DHCR7: variants seen among roughly 807,000 people sequenced by gnomAD.
The protein encoded by DHCR7 is 7-dehydrocholesterol reductase.
Under a neutral mutation model 43.3 loss-of-function variants are expected in DHCR7, and 40 were observed. The observed-to-expected ratio is 0.92, with a 90% CI of 0.72 to 1.20. The LOEUF (loss-of-function observed/expected upper bound fraction) is 1.20, where lower values mean the gene tolerates loss of function less well. Ranked by LOEUF, DHCR7 falls within the 50% of genes most tolerant of loss-of-function variation. The pLI, the probability that DHCR7 is intolerant of heterozygous loss-of-function variation, is 0.00. For synonymous variants in DHCR7, 298 were observed against 271.4 expected (o/e 1.10, Z -0.96); for missense variants, 608 against 644.6 (o/e 0.94, Z 0.62).
chr11:71,437,054 G>GC (rs1949290408), intron 8 of DHCR7, among the ~76,000 whole-genome samples: 1 of 152,176 alleles, frequency 6.6e-6, no homozygotes, highest in South Asian at 2.1e-4. Flanking sequence ...TGAGCATGGG[G>GC]CCAGCTGGGG....
At chr11:71,447,822 C>G (rs1442317729) in intron 1 of DHCR7, 88 bp from the exon 2 acceptor site, 1 of 152,402 alleles carries the variant, frequency 6.6e-6, no homozygotes, top group African/African-American at 2.4e-5. Flanking sequence ...AGGAGTCAAG[C>G]AAGAGGCAGA....
rs1437608961 is a variant in DHCR7, at chr11:71,440,598, GGAT to G, written c.626+626_626+628del. Among the ~76,000 whole-genome samples, 25 of 151,718 alleles carry G rather than the reference GGAT, an allele frequency of 1.6e-4. No homozygotes were observed. The East Asian group carries it at 4.9e-3, about 29-fold the overall frequency. On this transcript the variant is annotated intron_variant, in intron 6 of 8. Transcript: ENST00000355527. Reference sequence around the variant, plus strand: ...ATGGGTGATGGGAGGGTAGATGGATGGATGATGGGTGGGTGGATGTGGGTGATG... The same window carrying G: ...ATGGGTGATGGGAGGGTAGATGGATGGATGGGTGGGTGGATGTGGGTGATG...
downstream of DHCR7, among the ~76,000 whole-genome samples, chr11:71,430,211 C>T (rs1171844758): frequency 6.6e-6 from 1 of 152,254 alleles, no homozygotes; most frequent in Non-Finnish European, 1.5e-5. Flanking sequence ...CGGGCTGTGG[C>T]CTGACGTTCC....
downstream of DHCR7, among the ~76,000 whole-genome samples, chr11:71,431,324 T>C (rs1949226652): frequency 2.0e-5 from 3 of 152,226 alleles, no homozygotes; most frequent in African/African-American, 2.4e-5. Context: ...AGTCCAAGGA[T>C]AGCTTGGCTT....
At chr11:71,437,571 A>G (rs1204657682) in intron 8 of DHCR7, among the ~76,000 whole-genome samples, 1 of 152,132 alleles carries the variant, frequency 6.6e-6, no homozygotes, top group Non-Finnish European at 1.5e-5. Flanking sequence ...CTCCACCTCC[A>G]CTGCCCCATC....
chr11:71,447,822 C>A (rs1442317729), intron 1 of DHCR7, 88 bp from the exon 2 acceptor site: 1 of 152,402 alleles, frequency 6.6e-6, no homozygotes, highest in African/African-American at 2.4e-5. Flanking sequence ...AGGAGTCAAG[C>A]AAGAGGCAGA....
chr11:71,430,389 T>G (rs777736889), downstream of DHCR7, among the ~76,000 whole-genome samples: 6 of 152,208 alleles, frequency 3.9e-5, no homozygotes, highest in Non-Finnish European at 8.8e-5. Context: ...GCAAGCTCCA[T>G]GCAGGACCCG....
chr11:71,442,983 C>T (rs933037919), intron 4 of DHCR7, among the ~76,000 whole-genome samples: 5 of 152,218 alleles, frequency 3.3e-5, no homozygotes, highest in African/African-American at 1.2e-4. Flanking sequence ...CCGCCCCTGG[C>T]TGCCACTGAG....
At chr11:71,432,977 A>C (rs920545720), downstream of DHCR7, among the ~76,000 whole-genome samples, 9 of 152,216 alleles carry the variant, frequency 5.9e-5, no homozygotes, top group Non-Finnish European at 1.0e-4. Flanking sequence ...TTGAGGTTGG[A>C]GAGGGTGGGG....
rs1175648609 is a variant in DHCR7 at position 71,441,358 on chromosome 11, C to T, written c.495G>A (p.Leu165=). ...HLLWFANAHL[L]SWFSPTIIFD... ...AGATGATGGTGGGCGAGAACCAGGA[C>T]AGGAGATGAGCGTTTGCAAACCAGA... The change falls in exon 6 of 9, where the codon CTG becomes CTA. Residue 165 remains leucine (L), a synonymous_variant. Transcript: ENST00000355527. 4 of 1,614,224 alleles carry T rather than the reference C, an allele frequency of 2.5e-6. No individual in the cohort carries two copies. The highest frequency in any genetic ancestry group is 3.4e-6 in the Non-Finnish European group (4 of 1,180,038).
At chr11:71,430,499 G>GGTGGT (rs1949222734), downstream of DHCR7, among the ~76,000 whole-genome samples, 2 of 151,440 alleles carry the variant, frequency 1.3e-5, no homozygotes, top group Admixed American at 1.3e-4. Context: ...GCCATTTGTG[G>GGTGGT]GTGGTGGTGT....
At chr11:71,444,533 C>T (rs1479431167) in intron 3 of DHCR7, among the ~76,000 whole-genome samples, 4 of 152,170 alleles carry the variant, frequency 2.6e-5, no homozygotes, top group East Asian at 1.9e-4. Flanking sequence ...GGATACTCAC[C>T]CTGCACGAAG....
intron 4 of DHCR7, among the ~76,000 whole-genome samples, chr11:71,442,853 C>T (rs537875271): frequency 3.5e-4 from 54 of 152,254 alleles, no homozygotes; most frequent in African/African-American, 1.2e-3. Flanking sequence ...CACAATTCAG[C>T]GGCATTTAGC....
In DHCR7 at chr11:71,438,743, C is replaced by T; in HGVS notation, c.831+136G>A. The T allele has an allele frequency of 5.3e-6, 5 of 940,618 alleles. 1 individual carries two copies. The South Asian group carries it at 7.1e-5, about 13-fold the overall frequency. 58.3% of individuals were successfully genotyped at this position (940,618 alleles called of 1,614,324 possible). ...TCACCAAGTGCTCGCCGGCTGCTTC[C>T]TGGTGACACCTGGGGAGGGCAGCTG... On this transcript the variant is annotated intron_variant, in intron 7 of 8. Coordinates refer to ENST00000355527, the MANE Select transcript of DHCR7 (RefSeq NM_001360.3).
At chr11:71,438,106 T>A (rs1388300277) in intron 7 of DHCR7, among the ~76,000 whole-genome samples, 163 bp from the exon 8 acceptor site, 1 of 152,182 alleles carries the variant, frequency 6.6e-6, no homozygotes, top group Non-Finnish European at 1.5e-5. Flanking sequence ...GGGCTGTTCC[T>A]GCCTGGGTCA....
intron 1 of DHCR7, 59 bp downstream of exon 1, chr11:71,448,231 G>T: frequency 6.5e-6 from 1 of 154,632 alleles, no homozygotes. Context: ...ACCTGGGCAA[G>T]CGCCCCCCAC....
rs1379742605 is a variant in DHCR7, at chr11:71,435,279, T to C, written c.*96A>G. 1 of 1,317,078 alleles carries C rather than the reference T, an allele frequency of 7.6e-7. No individual in the cohort carries two copies. The highest frequency in any genetic ancestry group is 1.1e-6 in the Non-Finnish European group (1 of 922,784). 81.6% of individuals were successfully genotyped at this position (1,317,078 alleles called of 1,614,324 possible). ...CTCTCCAGTTTACAGATGAGGAAAC[T>C]GAGGCTCCTCGAGTTGGAGCTGGGA... On this transcript the variant is annotated 3_prime_UTR_variant, in exon 9 of 9. Coordinates refer to ENST00000355527, the MANE Select transcript of DHCR7 (RefSeq NM_001360.3).
chr11:71,432,576 C>A (rs76105291), downstream of DHCR7, among the ~76,000 whole-genome samples: 3,931 of 152,284 alleles, frequency 0.026, 158 homozygotes, highest in African/African-American at 0.087. Context: ...TGAAAATTTA[C>A]TCTTAGCAAT....
In DHCR7 at chr11:71,429,108, G is replaced by A. The variant is rs372249339; in HGVS notation, c.320-256C>T. ...GAAATCCCTGGCCAGAAAGCTTGGCGGCCGATGTCTTGATGATCCTGGCTG... is the reference window on the plus strand; with the variant it reads ...GAAATCCCTGGCCAGAAAGCTTGGCAGCCGATGTCTTGATGATCCTGGCTG... On this transcript the variant is annotated intron_variant, in intron 2 of 2. Coordinates refer to the DHCR7 transcript ENST00000534795. Among the ~76,000 whole-genome samples, 21 of 152,308 alleles carry A rather than the reference G, an allele frequency of 1.4e-4. No homozygotes were observed. In the South Asian group the frequency reaches 1.9e-3, roughly 14 times the overall value.
Sources: gnomAD v4.1 joint callset for allele counts (sites outside exome capture counted in the v4.1 genomes callset) on GRCh38, gnomAD v4.1.1 for gene constraint, MANE v1.5 for transcripts, NCBI Gene and HGNC (gene_info 2026-07-23, HGNC 2026-07-21) for gene names.